The following IL4R variants were observed in gnomAD, a reference collection of about 807,000 sequenced individuals.
The protein encoded by IL4R is interleukin 4 receptor, also known as interleukin-4 receptor subunit alpha.
A neutral mutation model predicts 41.5 loss-of-function variants in IL4R; 17 were observed. The ratio of observed to expected loss-of-function variants is 0.41; its 90% CI spans 0.28 to 0.61. The LOEUF is 0.61. Among genes scored for constraint, IL4R ranks in the 20% least tolerant of loss-of-function variants. The pLI, the probability that IL4R is intolerant of heterozygous loss-of-function variation, is 0.31. For synonymous variants in IL4R, 402 were observed against 422.9 expected, an observed-to-expected ratio of 0.95 and a Z score of 0.61; for missense variants, 974 against 1,043.1, an observed-to-expected ratio of 0.93 and a Z score of 0.91.
intron 10 of IL4R, 148 bp from the exon 11 acceptor site, chr16:27,362,104 A>T: frequency 1.2e-6 from 1 of 804,182 alleles, no homozygotes; most frequent in Non-Finnish European, 2.0e-6. Context: ...CTAGCAACAT[A>T]GACTGATCAA....
intron 2 of IL4R, among the ~76,000 whole-genome samples, chr16:27,337,591 T>A (rs2085299218): frequency 1.3e-5 from 2 of 150,474 alleles, no homozygotes; most frequent in African/African-American, 4.9e-5. Context: ...TTTTTTTTTC[T>A]CTTTTTGCAA....
At chr16:27,360,615 C>G in intron 9 of IL4R, 151 bp from the exon 10 acceptor site, 2 of 960,704 alleles carry the variant, frequency 2.1e-6, no homozygotes, top group Non-Finnish European at 3.3e-6. Context: ...GTAATTAATT[C>G]CCAGGAATCT....
chr16:27,349,747 TTTG>T (rs3024594), intron 6 of IL4R, among the ~76,000 whole-genome samples: 53 of 151,866 alleles, frequency 3.5e-4, no homozygotes, highest in African/African-American at 1.1e-3. Context: ...GGGCTGAGTT[TTTG>T]TTGTTGTTGT....
chr16:27,325,242 C>T (rs2084925949), intron 1 of IL4R, among the ~76,000 whole-genome samples: 1 of 152,012 alleles, frequency 6.6e-6, no homozygotes, highest in East Asian at 1.9e-4. Context: ...GCTGGGTCTT[C>T]CCTCATTCCC....
intron 7 of IL4R, chr16:27,355,220 G>A: frequency 1.7e-5 from 5 of 295,494 alleles, no homozygotes; most frequent in Non-Finnish European, 3.5e-5. Context: ...AAAAGCAGAG[G>A]AAGGGGATGG....
chr16:27,331,094 C>G (rs2141094642), intron 2 of IL4R, among the ~76,000 whole-genome samples: 1 of 152,206 alleles, frequency 6.6e-6, no homozygotes, highest in African/African-American at 2.4e-5. Context: ...GCTCAAAGAC[C>G]CTCAAAAGCT....
At chr16:27,334,730 G>A (rs1409540104) in intron 2 of IL4R, among the ~76,000 whole-genome samples, 7 of 151,904 alleles carry the variant, frequency 4.6e-5, no homozygotes, top group Admixed American at 3.9e-4. Context: ...CCCCATTCCC[G>A]CCCCTCCTTT....
At chr16:27,329,812 G>A (rs2085063484) in intron 1 of IL4R, among the ~76,000 whole-genome samples, 1 of 152,066 alleles carries the variant, frequency 6.6e-6, no homozygotes, top group Admixed American at 6.6e-5. Flanking sequence ...GATAAGTACT[G>A]GGACAGACAT....
In IL4R at chr16:27,355,890, CTA is replaced by C; in HGVS notation, c.755_756del (p.Tyr252CysfsTer7). 3.1e-6 allele frequency: 5 copies of C among 1,612,890 alleles called. No individual in the cohort carries two copies. In the South Asian group the frequency reaches 3.3e-5, roughly 11 times the overall value. The stretch of plus-strand genomic sequence containing the variant: ...TCATCCTGGCCGTCTGCCTGTTGTG[CTA>C]TGTCAGCATCACCAAGTGAGTCCTG... ...IVILAVCLLC[Y>X]VSITKIKKEW... On this transcript the variant is annotated frameshift_variant, in exon 8 of 11. Coordinates refer to ENST00000395762, the MANE Select transcript of IL4R (RefSeq NM_000418.4). LOFTEE classifies it high-confidence loss of function.
At chr16:27,359,281 C>T (rs2086200541) in intron 9 of IL4R, among the ~76,000 whole-genome samples, 1 of 152,176 alleles carries the variant, frequency 6.6e-6, no homozygotes, top group Non-Finnish European at 1.5e-5. Context: ...ATCACTGTGT[C>T]ATTCCCTGGG....
At chr16:27,346,432 C>T in intron 5 of IL4R, 35 bp from the exon 6 acceptor site, 1 of 1,612,862 alleles carries the variant, frequency 6.2e-7, no homozygotes, top group South Asian at 1.1e-5. Context: ...GGAGTCACTG[C>T]ATAGATCCTC....
intron 1 of IL4R, among the ~76,000 whole-genome samples, chr16:27,323,060 TG>T (rs1394647703): frequency 1.3e-5 from 2 of 152,034 alleles, no homozygotes; most frequent in African/African-American, 4.8e-5. Flanking sequence ...AGGAATGGTA[TG>T]GGGTGAGACA....
chr16:27,332,452 C>A (rs1259540642), intron 2 of IL4R, among the ~76,000 whole-genome samples: 1 of 152,082 alleles, frequency 6.6e-6, no homozygotes. Flanking sequence ...CCCATGAGGT[C>A]CTTCCCCCAA....
intron 2 of IL4R, among the ~76,000 whole-genome samples, chr16:27,335,181 G>A (rs989265371): frequency 1.3e-5 from 2 of 152,110 alleles, no homozygotes; most frequent in Non-Finnish European, 2.9e-5. Context: ...TTTCAGGGAG[G>A]TGATGTTGGG....
chr16:27,322,988 C>T (rs567154022), intron 1 of IL4R, among the ~76,000 whole-genome samples: 14 of 152,194 alleles, frequency 9.2e-5, no homozygotes, highest in African/African-American at 3.1e-4. Flanking sequence ...TTCTGTGTCT[C>T]AGATGCTTGG....
rs1002886680 is a variant in IL4R, at chr16:27,364,393, A to T, written c.*563A>T. On this transcript the variant is annotated 3_prime_UTR_variant, in exon 11 of 11. Coordinates refer to ENST00000395762, the MANE Select transcript of IL4R (RefSeq NM_000418.4). ...CATTTAACAGAGCTTCCTTAGGTTG[A>T]TGCTGGAGGCAGAATCCCGGCTGTC... The T allele has an allele frequency of 6.5e-6, 1 of 153,420 alleles. No homozygotes were observed. The highest frequency in any genetic ancestry group is 1.4e-5 in the Non-Finnish European group (1 of 69,002). The allele number at this position is 153,420 out of a possible 1,614,324, so 9.5% of individuals were successfully genotyped here. A position where few individuals can be genotyped will look rare whatever the true frequency, so the allele number is the denominator to read the frequency against.
chr16:27,325,688 C>A (rs1177078198), intron 1 of IL4R, among the ~76,000 whole-genome samples: 1 of 152,060 alleles, frequency 6.6e-6, no homozygotes, highest in Non-Finnish European at 1.5e-5. Flanking sequence ...ACACTGTATA[C>A]CTGTTAAAAT....
At chr16:27,340,110 G>A (rs1296976731) in intron 2 of IL4R, 76 bp from the exon 3 acceptor site, 4 of 882,650 alleles carry the variant, frequency 4.5e-6, no homozygotes, top group East Asian at 5.2e-5. Context: ...CAGGGCAGGG[G>A]AGGGTTGCAT....
Position 27,363,557 on chromosome 16 carries a change from G to C in IL4R, c.2205G>C (p.Gln735His). The C allele has an allele frequency of 6.2e-7, 1 of 1,614,160 alleles. No individual in the cohort carries two copies. The change falls in exon 11 of 11, where the codon CAG (glutamine) becomes CAC (histidine). Residue 735 changes from glutamine to histidine, a missense_variant. Physicochemically the swap from Gln to His is conservative, Grantham distance 24 (BLOSUM62 0). Around this residue, in one of 3 missense-constraint regions of IL4R, gnomAD observed 682 missense variants for 704.3 expected, o/e 0.97. Transcript: ENST00000395762. ...GTCATGGCCAGGAGGATGGTGGCCA[G>C]ACCCCTGTCATGGCCAGTCCTTGCT... Reference protein sequence around the residue: ...KQCHGQEDGGQTPVMASPCCG... With the variant: ...KQCHGQEDGGHTPVMASPCCG...
Sources: allele counts gnomAD v4.1 joint callset (sites outside exome capture counted in the v4.1 genomes callset), GRCh38; gene constraint gnomAD v4.1.1; regional missense constraint gnomAD v4.1.1; transcripts MANE v1.5; gene names NCBI Gene and HGNC (gene_info 2026-07-23, HGNC 2026-07-21).